Variants in CCDC7 observed in about 807,000 individuals in gnomAD.
CCDC7 encodes the protein coiled-coil domain-containing protein 7.
A neutral mutation model predicts 196.9 loss-of-function variants in CCDC7; 183 were observed. That is an observed-to-expected ratio of 0.93 (90% CI 0.82 to 1.05). The LOEUF is 1.05. Among genes scored for constraint, CCDC7 ranks in the 50% least tolerant of loss-of-function variants. The probability of loss-of-function intolerance (pLI) is 0.00; values close to 1 mark genes in which losing one functional copy is unlikely to be tolerated. For missense variants in CCDC7, 1,540 were observed against 1,482.2 expected (o/e 1.04, Z -0.64); for synonymous variants, 525 against 484.6 (o/e 1.08, Z -1.10).
At chr10:32,712,395 C>G (rs1432700889) in intron 25 of CCDC7, among the ~76,000 whole-genome samples, 1 of 152,188 alleles carries the variant, frequency 6.6e-6, no homozygotes, top group Non-Finnish European at 1.5e-5. Flanking sequence ...ACGGATTACA[C>G]CCAGGAATTT....
intron 28 of CCDC7, among the ~76,000 whole-genome samples, chr10:32,740,219 A>G (rs559381195): frequency 6.6e-6 from 1 of 152,172 alleles, no homozygotes; most frequent in East Asian, 1.9e-4. Context: ...TGTATAATAA[A>G]GCCTGTGTTA....
intron 11 of CCDC7, among the ~76,000 whole-genome samples, chr10:32,534,969 C>A (rs185704374): frequency 6.7e-6 from 1 of 150,028 alleles, no homozygotes; most frequent in African/African-American, 2.5e-5. Context: ...CTGGTTGACC[C>A]CCTCATTCTC....
chr10:32,683,834 G>A (rs1405386201), intron 21 of CCDC7, among the ~76,000 whole-genome samples: 1 of 152,168 alleles, frequency 6.6e-6, no homozygotes, highest in Non-Finnish European at 1.5e-5. Context: ...GAGGGCCAAG[G>A]TCGGAAGGCC....
At chr10:32,809,462 T>G (rs900788649) in intron 30 of CCDC7, among the ~76,000 whole-genome samples, 1 of 151,976 alleles carries the variant, frequency 6.6e-6, no homozygotes, top group African/African-American at 2.4e-5. Context: ...GGGAGAAAAT[T>G]TTTGCAATCT....
chr10:32,536,529 G>A (rs1005763731), intron 11 of CCDC7, among the ~76,000 whole-genome samples: 1 of 152,096 alleles, frequency 6.6e-6, no homozygotes, highest in Non-Finnish European at 1.5e-5. Flanking sequence ...TTTTATTTTA[G>A]GTTTAGGGGT....
intron 20 of CCDC7, among the ~76,000 whole-genome samples, chr10:32,661,684 G>A (rs1257525603): frequency 6.6e-6 from 1 of 152,120 alleles, no homozygotes; most frequent in Non-Finnish European, 1.5e-5. Context: ...CAGGAACTAA[G>A]GCCTGGAACG....
At chr10:32,511,956 A>C in intron 9 of CCDC7, 2 of 550,466 alleles carry the variant, frequency 3.6e-6, no homozygotes, top group South Asian at 4.5e-5. Flanking sequence ...ATTATGCATA[A>C]ATTTATATAG....
intron 18 of CCDC7, among the ~76,000 whole-genome samples, chr10:32,603,186 A>G (rs2138418786): frequency 6.6e-6 from 1 of 151,828 alleles, no homozygotes; most frequent in East Asian, 1.9e-4. Flanking sequence ...GCTCATACAT[A>G]AGAATGAGAA....
intron 8 of CCDC7, among the ~76,000 whole-genome samples, chr10:32,489,027 G>A (rs1025359060): frequency 2.0e-5 from 3 of 152,182 alleles, no homozygotes; most frequent in African/African-American, 7.2e-5. Flanking sequence ...CAGTGGGAAA[G>A]CCTGACAGAA....
intron 28 of CCDC7, among the ~76,000 whole-genome samples, chr10:32,738,473 C>CTTTTTTTT (rs33944221): frequency 9.1e-5 from 10 of 109,666 alleles, no homozygotes; most frequent in East Asian, 2.7e-4. Context: ...GTTTCTTTCA[C>CTTTTTTTT]TTTTTTTTTT....
At chr10:32,675,785 A>G (rs1057091241) in intron 21 of CCDC7, 4 of 152,224 alleles carry the variant, frequency 2.6e-5, no homozygotes, top group African/African-American at 9.6e-5. Context: ...GGAAGAATCA[A>G]TATCGTGAAA....
chr10:32,495,481 A>G (rs1317532993), intron 9 of CCDC7, among the ~76,000 whole-genome samples: 1 of 152,156 alleles, frequency 6.6e-6, no homozygotes, highest in Admixed American at 6.5e-5. Context: ...TATGTCCTGA[A>G]TGGCATTGCC....
At chr10:32,471,526 G>A (rs2037943524) in intron 6 of CCDC7, among the ~76,000 whole-genome samples, 1 of 152,094 alleles carries the variant, frequency 6.6e-6, no homozygotes, top group Non-Finnish European at 1.5e-5. Flanking sequence ...AGTTATATTG[G>A]ACATTGCTAG....
At position 32,518,357 on chromosome 10, in the gene CCDC7, A is replaced by G. The variant is rs948886966; in HGVS notation, c.904-59A>G. 6.7e-6 allele frequency: 10 copies of G among 1,481,910 alleles called. No homozygotes were observed. The African/African-American group carries it at 7.2e-5, about 11-fold the overall frequency. The allele number at this position is 1,481,910 out of a possible 1,614,324, so 91.8% of individuals were successfully genotyped here. A position where few individuals can be genotyped will look rare whatever the true frequency, so the allele number is the denominator to read the frequency against. On this transcript the variant is annotated intron_variant, in intron 10 of 41. Transcript: ENST00000639629. ...CTTACCTTAATAATTAAATATCTGA[A>G]TAACCTTTCTACATTGAGAGTTTTA...
At chr10:32,610,919 A>G (rs2062055219) in intron 18 of CCDC7, among the ~76,000 whole-genome samples, 10 of 152,138 alleles carry the variant, frequency 6.6e-5, no homozygotes, top group South Asian at 6.2e-4. Flanking sequence ...ATAACTTACA[A>G]TCCTTTGAGT....
chr10:32,533,843 C>CTT lies in CCDC7; in HGVS notation c.994-9457_994-9456insTT, dbSNP rs553887560. Among the ~76,000 whole-genome samples the CTT allele has an allele frequency of 1.4e-3, 220 of 152,064 alleles. 1 individual carries two copies. The highest frequency in any genetic ancestry group is 5.0e-3 in the African/African-American group (209 of 41,518). ...CTTTTAGGATTCTCTTTGTCCTTGA[C>CTT]CTTTGAGAGCTTCATTATTATATGT... is the stretch of plus-strand genomic sequence containing the variant. On this transcript the variant is annotated intron_variant, in intron 11 of 41. Coordinates refer to ENST00000639629, the Ensembl canonical transcript of CCDC7.
Position 32,511,814 on chromosome 10 carries a change from A to G in CCDC7, c.873-6131A>G, listed in dbSNP as rs2135374335. On this transcript the variant is annotated intron_variant, in intron 9 of 41. Coordinates refer to ENST00000639629, the Ensembl canonical transcript of CCDC7. ...GCAACGATGACGACAATGACGCGCC[A>G]GCTCTGCCCGCGCCACCAGCGGCGC... The G allele has an allele frequency of 3.0e-6, 3 of 992,070 alleles. No homozygotes were observed. In the East Asian group the frequency reaches 7.6e-5, roughly 25 times the overall value. The allele number at this position is 992,070 out of a possible 1,614,324, so 61.5% of individuals were successfully genotyped here.
intron 20 of CCDC7, among the ~76,000 whole-genome samples, chr10:32,639,148 G>T (rs947184726): frequency 6.6e-6 from 1 of 151,716 alleles, no homozygotes; most frequent in Admixed American, 6.6e-5. Flanking sequence ...TTGCTCTAGC[G>T]GTCTATCAAT....
intron 33 of CCDC7, among the ~76,000 whole-genome samples, chr10:32,839,719 T>C (rs955063495): frequency 6.6e-6 from 1 of 151,962 alleles, no homozygotes; most frequent in Non-Finnish European, 1.5e-5. Flanking sequence ...CATCAGCACA[T>C]GGAACATTCT....
Sources: allele counts gnomAD v4.1 joint callset (sites outside exome capture counted in the v4.1 genomes callset), GRCh38; gene constraint gnomAD v4.1.1; transcripts MANE v1.5; gene names NCBI Gene and HGNC (gene_info 2026-07-23, HGNC 2026-07-21).